LRRN3: variants seen among roughly 807,000 people sequenced by gnomAD.
The protein encoded by LRRN3 is leucine-rich repeat neuronal protein 3.
In LRRN3, 15 loss-of-function variants were observed where a neutral mutation model predicts 40.1. That is an observed-to-expected ratio of 0.37 (90% CI 0.25 to 0.58). LRRN3 has a LOEUF of 0.58. LRRN3 is among the 20% of genes least tolerant of loss of function. The pLI is 0.72. For synonymous variants in LRRN3, 308 were observed against 297.2 expected, an observed-to-expected ratio of 1.04 and a Z score of -0.37; for missense variants, 746 against 837.7, an observed-to-expected ratio of 0.89 and a Z score of 1.35.
Position 111,122,612 on chromosome 7 carries a change from G to A in LRRN3, c.-161G>A, listed in dbSNP as rs569532096. ...GACATTTTTGGACAATGCAATTGTG[G>A]CACTGGCACTTATTTCAGTGAAGAA... is the stretch of plus-strand genomic sequence containing the variant. On this transcript the variant is annotated 5_prime_UTR_variant, in exon 3 of 3. An upstream open reading frame in the 5' UTR gains an earlier in-frame stop. Transcript: ENST00000308478. The A allele has an allele frequency of 1.7e-6, 1 of 602,904 alleles. No homozygotes were observed. The highest frequency in any genetic ancestry group is 3.0e-6 in the Non-Finnish European group (1 of 337,864). The allele number at this position is 602,904 out of a possible 1,614,324, so 37.3% of individuals were successfully genotyped here.
At chr7:111,096,670 G>A (rs1193156041) in intron 1 of LRRN3, among the ~76,000 whole-genome samples, 1 of 151,812 alleles carries the variant, frequency 6.6e-6, no homozygotes, top group Admixed American at 6.6e-5. Context: ...AATGAGATGA[G>A]TAAATTATTT....
rs764727239 is a variant in LRRN3 at position 111,124,144 on chromosome 7, A to T, written c.1372A>T (p.Thr458Ser). 1.9e-6 allele frequency: 3 copies of T among 1,613,994 alleles called. No individual in the cohort carries two copies. In the South Asian group the frequency reaches 3.3e-5, roughly 18 times the overall value. Reference sequence around the variant, plus strand: ...ACCACAGCCTGAAATCTACTGGATAACACCTTCTGGTCAAAAACTCTTGCC... The same window carrying T: ...ACCACAGCCTGAAATCTACTGGATATCACCTTCTGGTCAAAAACTCTTGCC... ...AEPQPEIYWI[T>S]PSGQKLLPNT... The change falls in exon 3 of 3, where the codon ACA becomes TCA. Residue 458 changes from threonine (T) to serine (S), a missense_variant. Coordinates refer to ENST00000308478, the MANE Select transcript of LRRN3 (RefSeq NM_001099658.2).
Position 111,103,904 on chromosome 7 carries a change from G to A in LRRN3, c.-359+3942G>A, listed in dbSNP as rs540341758. On this transcript the variant is annotated intron_variant, in intron 2 of 2. Transcript: ENST00000308478. The stretch of plus-strand genomic sequence containing the variant: ...TGCCTGATCCCTTAATGACTAGGCT[G>A]CTTCTATTGAACACCATTTTGAGAG... 8.4e-4 allele frequency among the ~76,000 whole-genome samples: 128 copies of A among 151,694 alleles called. 1 individual carries two copies. The highest frequency in any genetic ancestry group is 1.6e-3 in the Non-Finnish European group (107 of 67,666).
At chr7:111,096,438 T>C (rs141112682) in intron 1 of LRRN3, among the ~76,000 whole-genome samples, 3 of 151,584 alleles carry the variant, frequency 2.0e-5, no homozygotes, top group Admixed American at 2.0e-4. Context: ...TATATCTGGA[T>C]AGATTCTTGC....
At chr7:111,107,601 T>C (rs1798691603) in intron 2 of LRRN3, among the ~76,000 whole-genome samples, 1 of 152,138 alleles carries the variant, frequency 6.6e-6, no homozygotes, top group South Asian at 2.1e-4. Context: ...TTTATCTGAA[T>C]AGAATTTTAG....
chr7:111,109,588 G>A lies in LRRN3; in HGVS notation c.-359+9626G>A, dbSNP rs375500468. 4.6e-5 allele frequency among the ~76,000 whole-genome samples: 7 copies of A among 152,226 alleles called. No individual in the cohort carries two copies. In the East Asian group the frequency reaches 1.2e-3, roughly 25 times the overall value. The stretch of plus-strand genomic sequence containing the variant: ...AATGGAGTCAAGGACCTGGAATAGA[G>A]TTCAGGAGCCATCACTGATAATGCC... On this transcript the variant is annotated intron_variant, in intron 2 of 2. Transcript: ENST00000308478.
At chr7:111,094,313 G>A (rs1797177903) in intron 1 of LRRN3, among the ~76,000 whole-genome samples, 1 of 152,088 alleles carries the variant, frequency 6.6e-6, no homozygotes, top group Non-Finnish European at 1.5e-5. Flanking sequence ...CAGAGGTGAG[G>A]TATCTGTTGG....
Position 111,124,660 on chromosome 7 carries a change from A to G in LRRN3, c.1888A>G (p.Met630Val), listed in dbSNP as rs751632396. 3 of 1,613,994 alleles carry G rather than the reference A, an allele frequency of 1.9e-6. No individual in the cohort carries two copies. The highest frequency in any genetic ancestry group is 3.3e-5 in the Admixed American group (2 of 59,982). The part of the protein sequence containing the change: ...EYEKNNTTTL[M>V]ACLGGLLGII... ...TGAAAAGAATAATACCACAACACTT[A>G]TGGCCTGTCTTGGAGGCCTTCTGGG... Residue 630 changes from methionine (M) to valine (V), a missense_variant, in exon 3 of 3, where the codon ATG (methionine) becomes GTG (valine). Physicochemically the swap from Met to Val is conservative, Grantham distance 21. Coordinates refer to ENST00000308478, the MANE Select transcript of LRRN3 (RefSeq NM_001099658.2).
Position 111,124,841 on chromosome 7 carries a change from A to G in LRRN3, c.2069A>G (p.Lys690Arg). The G allele has an allele frequency of 6.2e-7, 1 of 1,612,568 alleles. No homozygotes were observed. Among genetic ancestry groups the G allele is most frequent in the Non-Finnish European group, 8.5e-7 (1 of 1,179,870 alleles). The change falls in exon 3 of 3, where the codon AAA (lysine) becomes AGA (arginine). Residue 690 changes from lysine (K) to arginine (R), a missense_variant. Transcript: ENST00000308478. ...LINLWEAGKE[K>R]STSLKVKATV... ...AATCTCTGGGAAGCAGGAAAAGAAA[A>G]AAGTACATCACTGAAAGTAAAAGCA...
intron 2 of LRRN3, among the ~76,000 whole-genome samples, chr7:111,113,178 A>G (rs2129584402): frequency 6.6e-6 from 1 of 152,308 alleles, no homozygotes; most frequent in East Asian, 1.9e-4. Flanking sequence ...TTCTCTATCT[A>G]TACTAGGTCA....
In LRRN3 at chr7:111,107,172, T is replaced by C. The variant is rs565083902; in HGVS notation, c.-359+7210T>C. Among the ~76,000 whole-genome samples the C allele has an allele frequency of 2.2e-3, 59 of 26,342 alleles. 1 individual carries two copies. Among genetic ancestry groups the C allele is most frequent in the African/African-American group, 6.0e-3 (50 of 8,296 alleles). 17.3% of individuals were successfully genotyped at this position (26,342 alleles called of 152,430 possible). On this transcript the variant is annotated intron_variant, in intron 2 of 2. Transcript: ENST00000308478. ...GATTCAGAAACTTCCTTCTTTCCCCTTTCCCTCTCTCTCCTTCCCTCCCTT... is the reference window on the plus strand; with the variant it reads ...GATTCAGAAACTTCCTTCTTTCCCCCTTCCCTCTCTCTCCTTCCCTCCCTT...
At chr7:111,104,120 AC>A (rs950701478) in intron 2 of LRRN3, among the ~76,000 whole-genome samples, 1 of 151,720 alleles carries the variant, frequency 6.6e-6, no homozygotes, top group Non-Finnish European at 1.5e-5. Flanking sequence ...TATTCAGGCA[AC>A]TTTTTTGAAA....
At chr7:111,092,771 A>G (rs1797001455) in intron 1 of LRRN3, among the ~76,000 whole-genome samples, 1 of 152,170 alleles carries the variant, frequency 6.6e-6, no homozygotes, top group Non-Finnish European at 1.5e-5. Flanking sequence ...CCAATTGAGG[A>G]TATTCATGGA....
intron 2 of LRRN3, among the ~76,000 whole-genome samples, chr7:111,105,040 G>C (rs1027725387): frequency 6.6e-6 from 1 of 151,800 alleles, no homozygotes; most frequent in East Asian, 1.9e-4. Context: ...CATGACCATA[G>C]AATTCCAGAA....
intron 2 of LRRN3, among the ~76,000 whole-genome samples, chr7:111,105,759 AG>A (rs1798477884): frequency 1.3e-5 from 2 of 151,886 alleles, no homozygotes; most frequent in African/African-American, 4.8e-5. Context: ...AAAGGTGAAA[AG>A]AAAAAAAAAT....
At chr7:111,099,611 G>A (rs954102872) in intron 1 of LRRN3, among the ~76,000 whole-genome samples, 2 of 151,566 alleles carry the variant, frequency 1.3e-5, no homozygotes, top group East Asian at 1.9e-4. Context: ...TAAAATTAAA[G>A]CAAAAATGTT....
At chr7:111,114,137 C>T (rs924760091) in intron 2 of LRRN3, among the ~76,000 whole-genome samples, 3 of 150,992 alleles carry the variant, frequency 2.0e-5, no homozygotes, top group African/African-American at 7.3e-5. Flanking sequence ...TAAATCTACA[C>T]ACACACACAC....
chr7:111,102,968 G>A (rs983242334), intron 2 of LRRN3, among the ~76,000 whole-genome samples: 1 of 151,428 alleles, frequency 6.6e-6, no homozygotes, highest in African/African-American at 2.4e-5. Flanking sequence ...GAGCACTCAA[G>A]CCCTTGAGTT....
At chr7:111,114,037 AC>A (rs1165162316) in intron 2 of LRRN3, among the ~76,000 whole-genome samples, 1 of 152,162 alleles carries the variant, frequency 6.6e-6, no homozygotes, top group Non-Finnish European at 1.5e-5. Context: ...TAAAGAGTGG[AC>A]AAAATGGGAA....
Sources: allele counts gnomAD v4.1 joint callset (sites outside exome capture counted in the v4.1 genomes callset), GRCh38; gene constraint gnomAD v4.1.1; transcripts MANE v1.5; gene names NCBI Gene and HGNC (gene_info 2026-07-23, HGNC 2026-07-21).